DIAPH3: variants seen among roughly 807,000 people sequenced by gnomAD.
DIAPH3 encodes the protein diaphanous related formin 3.
DIAPH3 carries 117 observed loss-of-function variants against 144.3 expected under a neutral mutation model. The observed-to-expected ratio is 0.81, with a 90% confidence interval of 0.70 to 0.95. DIAPH3 has a LOEUF of 0.95. Ranked by LOEUF, DIAPH3 falls within the 40% of genes least tolerant of loss-of-function variation. DIAPH3 has a pLI of 0.00. For synonymous variants in DIAPH3, 519 were observed against 488.9 expected, an observed-to-expected ratio of 1.06 and a Z score of -0.81; for missense variants, 1,421 against 1,412.7, an observed-to-expected ratio of 1.01 and a Z score of -0.09.
intron 14 of DIAPH3, among the ~76,000 whole-genome samples, chr13:59,979,422 A>G (rs2050861599): frequency 6.6e-6 from 1 of 151,620 alleles, no homozygotes; most frequent in Non-Finnish European, 1.5e-5. Context: ...TCACCCCACA[A>G]CATGAACATC....
intron 20 of DIAPH3, among the ~76,000 whole-genome samples, chr13:59,900,838 T>G (rs966821421): frequency 6.6e-6 from 1 of 152,170 alleles, no homozygotes; most frequent in Non-Finnish European, 1.5e-5. Context: ...TTATCTTCCC[T>G]TCCATAATCT....
At chr13:59,690,528 G>GTT (rs1270742358) in intron 27 of DIAPH3, among the ~76,000 whole-genome samples, 1 of 152,064 alleles carries the variant, frequency 6.6e-6, no homozygotes, top group African/African-American at 2.4e-5. Flanking sequence ...TAACAGTGTT[G>GTT]TTTTCTGCTA....
chr13:60,085,122 T>C (rs908697979), intron 4 of DIAPH3, among the ~76,000 whole-genome samples: 1 of 152,126 alleles, frequency 6.6e-6, no homozygotes, highest in Non-Finnish European at 1.5e-5. Flanking sequence ...TCCTTACTAA[T>C]ATCTGTTCTA....
chr13:60,152,985 T>A (rs779182017), intron 1 of DIAPH3, among the ~76,000 whole-genome samples: 3 of 152,174 alleles, frequency 2.0e-5, no homozygotes, highest in Non-Finnish European at 4.4e-5. Flanking sequence ...TTAAGTCTTA[T>A]GTTTTTTCAA....
chr13:59,843,723 G>A (rs1361480923), intron 22 of DIAPH3, among the ~76,000 whole-genome samples: 1 of 152,198 alleles, frequency 6.6e-6, no homozygotes, highest in East Asian at 1.9e-4. Context: ...TGGTTAAGCA[G>A]ATTTAAATGT....
At chr13:59,948,843 AG>A (rs2048939335) in intron 17 of DIAPH3, among the ~76,000 whole-genome samples, 2 of 21,838 alleles carry the variant, frequency 9.2e-5, no homozygotes, top group East Asian at 2.7e-3. Flanking sequence ...AAAAGAAAGA[AG>A]GAAGGAAGGA....
chr13:60,103,276 A>G (rs1182787187), intron 3 of DIAPH3, among the ~76,000 whole-genome samples: 1 of 152,122 alleles, frequency 6.6e-6, no homozygotes, highest in Admixed American at 6.5e-5. Flanking sequence ...ACTGAATTAC[A>G]CACGTTAGAC....
intron 27 of DIAPH3, among the ~76,000 whole-genome samples, chr13:59,683,259 G>C (rs2033040984): frequency 6.6e-6 from 1 of 152,090 alleles, no homozygotes. Context: ...GTGTTGAGTA[G>C]TCAGTCAAAC....
At chr13:59,843,391 G>A (rs568115856) in intron 22 of DIAPH3, among the ~76,000 whole-genome samples, 1 of 152,300 alleles carries the variant, frequency 6.6e-6, no homozygotes, top group South Asian at 2.1e-4. Flanking sequence ...CAATGAGTGA[G>A]TGCTTCTCAG....
At chr13:59,819,969 G>A (rs1228530333) in intron 24 of DIAPH3, among the ~76,000 whole-genome samples, 1 of 151,708 alleles carries the variant, frequency 6.6e-6, no homozygotes, top group Non-Finnish European at 1.5e-5. Flanking sequence ...ATGAAATAAT[G>A]CATGTAAATA....
chr13:60,068,961 G>A (rs1215984433), intron 4 of DIAPH3, among the ~76,000 whole-genome samples: 3 of 152,076 alleles, frequency 2.0e-5, no homozygotes, highest in African/African-American at 7.2e-5. Context: ...GTGCGTGCAT[G>A]TGTCTTTATG....
At position 60,042,683 on chromosome 13, in the gene DIAPH3, G is replaced by T; in HGVS notation, c.626+7C>A. On this transcript the variant is annotated splice_region_variant and intron_variant, in intron 5 of 27. Transcript: ENST00000400324. ...CTGCCCTGTTGGTGTTCAAATAGAT[G>T]AATTACCTCACAGGATTGCTGGTCA... 1 of 1,613,390 alleles carries T rather than the reference G, an allele frequency of 6.2e-7. No homozygotes were observed. The highest frequency in any genetic ancestry group is 1.3e-5 in the African/African-American group (1 of 75,016).
At chr13:59,960,081 T>C (rs982203832) in intron 17 of DIAPH3, among the ~76,000 whole-genome samples, 3 of 152,190 alleles carry the variant, frequency 2.0e-5, no homozygotes, top group Non-Finnish European at 4.4e-5. Flanking sequence ...TATACACTAA[T>C]ACAGAATGTA....
chr13:59,694,727 T>C (rs751924690), intron 27 of DIAPH3, among the ~76,000 whole-genome samples: 1 of 151,298 alleles, frequency 6.6e-6, no homozygotes. Flanking sequence ...ACAAACAAAG[T>C]AAAAAAAAAG....
At chr13:60,032,737 A>G (rs369191989) in intron 5 of DIAPH3, among the ~76,000 whole-genome samples, 141 of 152,344 alleles carry the variant, frequency 9.3e-4, no homozygotes, top group African/African-American at 3.0e-3. Flanking sequence ...TTTTTCCCTC[A>G]TCGTCTTAGA....
chr13:59,796,537 A>G (rs756721561), intron 25 of DIAPH3, among the ~76,000 whole-genome samples: 21 of 152,234 alleles, frequency 1.4e-4, no homozygotes, highest in South Asian at 6.2e-4. Context: ...CCATTCAGAA[A>G]ATTAAGAGCA....
chr13:59,683,423 T>C (rs1415406436), intron 27 of DIAPH3, among the ~76,000 whole-genome samples: 1 of 152,010 alleles, frequency 6.6e-6, no homozygotes, highest in South Asian at 2.1e-4. Context: ...GGGGGTGGGG[T>C]GTCATCTGTA....
chr13:59,793,771 G>A (rs1321469383), intron 25 of DIAPH3, among the ~76,000 whole-genome samples: 3 of 152,094 alleles, frequency 2.0e-5, no homozygotes, highest in Non-Finnish European at 4.4e-5. Flanking sequence ...TTCCAACTAG[G>A]GTGACCAACC....
chr13:60,045,883 T>A (rs2056035901), intron 4 of DIAPH3, among the ~76,000 whole-genome samples: 1 of 152,184 alleles, frequency 6.6e-6, no homozygotes, highest in Non-Finnish European at 1.5e-5. Context: ...AAAAGTGATA[T>A]TAAAAGATAA....
Sources: allele counts gnomAD v4.1 joint callset (sites outside exome capture counted in the v4.1 genomes callset), GRCh38; gene constraint gnomAD v4.1.1; transcripts MANE v1.5; gene names NCBI Gene and HGNC (gene_info 2026-07-23, HGNC 2026-07-21).